PRKD1: variants seen among roughly 807,000 people sequenced by gnomAD.
PRKD1 encodes the protein protein kinase D1, also known as serine/threonine-protein kinase D1.
A neutral mutation model predicts 95.9 loss-of-function variants in PRKD1; 63 were observed. The ratio of observed to expected loss-of-function variants is 0.66; its 90% CI spans 0.54 to 0.81. The LOEUF is 0.81. PRKD1 is among the 30% of genes least tolerant of loss of function. The pLI, the probability that PRKD1 is intolerant of heterozygous loss-of-function variation, is 0.00. For synonymous variants in PRKD1, 425 were observed against 423.1 expected (o/e 1.00, Z -0.05); for missense variants, 1,048 against 1,165.3 (o/e 0.90, Z 1.47).
chr14:29,694,952 G>T (rs980229973), intron 2 of PRKD1, among the ~76,000 whole-genome samples: 1 of 152,248 alleles, frequency 6.6e-6, no homozygotes, highest in Middle Eastern at 3.4e-3. Flanking sequence ...GGACAGCCGG[G>T]CCAGGCACGG....
At chr14:29,918,231 T>C (rs1409161409) in intron 1 of PRKD1, among the ~76,000 whole-genome samples, 1 of 152,140 alleles carries the variant, frequency 6.6e-6, no homozygotes, top group African/African-American at 2.4e-5. Context: ...ATATAATTTT[T>C]ATTAGTAAAT....
chr14:29,854,933 T>C (rs1020680427), intron 1 of PRKD1, among the ~76,000 whole-genome samples: 3 of 152,212 alleles, frequency 2.0e-5, no homozygotes, highest in African/African-American at 7.2e-5. Context: ...GAGTTGAGCC[T>C]GTGAGTGCAC....
chr14:29,858,215 T>C (rs551758514), intron 1 of PRKD1, among the ~76,000 whole-genome samples: 1 of 152,304 alleles, frequency 6.6e-6, no homozygotes, highest in Admixed American at 6.5e-5. Context: ...GATCTCAGTT[T>C]GGTTTTCTTC....
chr14:29,780,287 T>TG (rs1888984795), intron 1 of PRKD1, among the ~76,000 whole-genome samples: 1 of 152,072 alleles, frequency 6.6e-6, no homozygotes, highest in Admixed American at 6.5e-5. Flanking sequence ...AATTAACAAA[T>TG]GGGATCTAAT....
At chr14:29,750,917 T>TA (rs138531736) in intron 1 of PRKD1, among the ~76,000 whole-genome samples, 1 of 152,336 alleles carries the variant, frequency 6.6e-6, no homozygotes, top group African/African-American at 2.4e-5. Context: ...ATTCAAAAGA[T>TA]GTGTTTCCCC....
At position 29,737,753 on chromosome 14, in the gene PRKD1, C is replaced by G. The variant is rs910475153; in HGVS notation, c.265-12079G>C. 3.9e-5 allele frequency among the ~76,000 whole-genome samples: 6 copies of G among 152,236 alleles called. No individual in the cohort carries two copies. The South Asian group carries it at 6.2e-4, about 16-fold the overall frequency. On this transcript the variant is annotated intron_variant, in intron 1 of 17. Transcript: ENST00000331968. Reference sequence around the variant, plus strand: ...TAGCATTCAGCTGTAAGGGACAGTCCAAAGTTGTTCTGAAAGCGGTAGATC... The same window carrying G: ...TAGCATTCAGCTGTAAGGGACAGTCGAAAGTTGTTCTGAAAGCGGTAGATC...
intron 2 of PRKD1, among the ~76,000 whole-genome samples, chr14:29,723,409 G>C (rs1314439986): frequency 6.6e-6 from 1 of 152,062 alleles, no homozygotes; most frequent in African/African-American, 2.4e-5. Flanking sequence ...AAGACATAAA[G>C]ACCGGGAAAA....
At chr14:29,686,664 T>C (rs1049622942) in intron 2 of PRKD1, among the ~76,000 whole-genome samples, 8 of 152,180 alleles carry the variant, frequency 5.3e-5, no homozygotes, top group African/African-American at 1.9e-4. Flanking sequence ...ACTAGCCCCC[T>C]ACCAGGTGTA....
chr14:29,633,681 C>T (rs1370421175), intron 8 of PRKD1, among the ~76,000 whole-genome samples: 7 of 152,096 alleles, frequency 4.6e-5, no homozygotes, highest in Non-Finnish European at 1.0e-4. Flanking sequence ...TTAGGCCAGT[C>T]AAATATATTA....
intron 1 of PRKD1, among the ~76,000 whole-genome samples, chr14:29,807,644 C>CA (rs1890290574): frequency 6.6e-6 from 1 of 151,988 alleles, no homozygotes; most frequent in East Asian, 1.9e-4. Flanking sequence ...AGTGATCCAC[C>CA]ACCTCAGCCT....
Position 29,927,558 on chromosome 14 carries a change from G to T in PRKD1, c.-46C>A. ...CGGGCAGCGGAGGGCGGGGGCTGGC[G>T]GCGCGGCAGCAGGAAAGTTTTGCAG... On this transcript the variant is annotated 5_prime_UTR_variant, in exon 1 of 18. Transcript: ENST00000331968. 1.8e-6 allele frequency: 2 copies of T among 1,125,912 alleles called. No individual in the cohort carries two copies. The highest frequency in any genetic ancestry group is 1.1e-6 in the Non-Finnish European group (1 of 920,590). 69.7% of individuals were successfully genotyped at this position (1,125,912 alleles called of 1,614,324 possible). A position where few individuals can be genotyped will look rare whatever the true frequency, so the allele number is the denominator to read the frequency against.
chr14:29,748,178 T>G (rs1473631350), intron 1 of PRKD1, among the ~76,000 whole-genome samples: 2 of 152,240 alleles, frequency 1.3e-5, no homozygotes, highest in Non-Finnish European at 2.9e-5. Flanking sequence ...ATATTCTGAT[T>G]CGCAGCTATA....
At chr14:29,802,869 C>A (rs143732034) in intron 1 of PRKD1, among the ~76,000 whole-genome samples, 1 of 152,338 alleles carries the variant, frequency 6.6e-6, no homozygotes, top group East Asian at 1.9e-4. Flanking sequence ...ACATCACTCA[C>A]TCTAAGTTAG....
chr14:29,835,098 C>T (rs1891561358), intron 1 of PRKD1, among the ~76,000 whole-genome samples: 1 of 151,860 alleles, frequency 6.6e-6, no homozygotes, highest in South Asian at 2.1e-4. Flanking sequence ...GGAATCCCAA[C>T]CAACAAGTAA....
chr14:29,625,661 A>G (rs1451320714), intron 12 of PRKD1, among the ~76,000 whole-genome samples: 2 of 152,190 alleles, frequency 1.3e-5, no homozygotes, highest in East Asian at 3.8e-4. Context: ...TAGGTTTCTC[A>G]TCAAAGAAAT....
intron 4 of PRKD1, among the ~76,000 whole-genome samples, chr14:29,654,690 GA>G (rs1881735423): frequency 6.6e-6 from 1 of 152,110 alleles, no homozygotes; most frequent in African/African-American, 2.4e-5. Flanking sequence ...CAAGCTCCAT[GA>G]AGGCGGATAA....
intron 1 of PRKD1, among the ~76,000 whole-genome samples, chr14:29,813,250 T>G (rs923738529): frequency 6.6e-5 from 10 of 152,232 alleles, no homozygotes; most frequent in African/African-American, 2.4e-4. Context: ...GAGACAATTG[T>G]ATGTGGGAAA....
intron 1 of PRKD1, among the ~76,000 whole-genome samples, chr14:29,787,011 T>C (rs1038939039): frequency 1.3e-5 from 2 of 152,180 alleles, no homozygotes; most frequent in Admixed American, 6.5e-5. Context: ...ATATTCCATA[T>C]GCTTAGTAAG....
chr14:29,899,991 T>C (rs1894267541), intron 1 of PRKD1, among the ~76,000 whole-genome samples: 1 of 152,220 alleles, frequency 6.6e-6, no homozygotes, highest in Non-Finnish European at 1.5e-5. Context: ...CTCTCTTTCC[T>C]GCCATCTTGT....
Sources: allele counts gnomAD v4.1 joint callset (sites outside exome capture counted in the v4.1 genomes callset), GRCh38; gene constraint gnomAD v4.1.1; transcripts MANE v1.5; gene names NCBI Gene and HGNC (gene_info 2026-07-23, HGNC 2026-07-21).